DCP1B: variants seen among roughly 807,000 people sequenced by gnomAD.
DCP1B encodes decapping mRNA 1B.
In DCP1B, 47 loss-of-function variants were observed where a neutral mutation model predicts 60.5. The ratio of observed to expected loss-of-function variants is 0.78; its 90% CI spans 0.61 to 0.99. The LOEUF (loss-of-function observed/expected upper bound fraction) is 0.99. DCP1B is among the 50% of genes least tolerant of loss of function. The pLI is 0.00. For synonymous variants in DCP1B, 267 were observed against 280.3 expected (o/e 0.95, Z 0.47); for missense variants, 725 against 756.8 (o/e 0.96, Z 0.49).
intron 5 of DCP1B, among the ~76,000 whole-genome samples, chr12:1,959,621 T>C (rs113245551): frequency 0.027 from 4,151 of 152,290 alleles, 95 homozygotes; most frequent in Middle Eastern, 0.054. Context: ...AGGAAATCCT[T>C]GTATACTGTT....
rs139889608 is a variant in DCP1B, at chr12:1,971,383, G to A, written c.320-3473C>T. 2.0e-4 allele frequency among the ~76,000 whole-genome samples: 30 copies of A among 152,132 alleles called. No individual in the cohort carries two copies. Among genetic ancestry groups the A allele is most frequent in the African/African-American group, 6.5e-4 (27 of 41,502 alleles). ...TAACTGCACTATCCTGGTTTATGCC[G>A]TTCTTTGGAAATTCTCAATTGAAAA... On this transcript the variant is annotated intron_variant, in intron 3 of 8. Coordinates refer to ENST00000280665, the MANE Select transcript of DCP1B (RefSeq NM_152640.5). This position sits in a 1 kb window ranked among gnomAD's most constrained non-coding sequence, Gnocchi z 4.2.
At chr12:1,986,730 A>G (rs2154471465) in intron 3 of DCP1B, among the ~76,000 whole-genome samples, 1 of 152,136 alleles carries the variant, frequency 6.6e-6, no homozygotes, top group South Asian at 2.1e-4. Flanking sequence ...TTGATAAAAG[A>G]GGAAAGAATA....
Position 1,993,287 on chromosome 12 carries a change from A to T in DCP1B, c.296T>A (p.Phe99Tyr). Residue 99 changes from phenylalanine (F) to tyrosine (Y), a missense_variant, in exon 3 of 9, where the codon TTC (phenylalanine) becomes TAC (tyrosine). By Grantham distance (22) the Phe-to-Tyr change is conservative. Coordinates refer to ENST00000280665, the MANE Select transcript of DCP1B (RefSeq NM_152640.5). ...KDLDFQLQDP[F>Y]LLYRNARLSI... Reference sequence around the variant, plus strand: ...ACATCTGGCATTTCTGTAGAGAAGGAAAGGGTCCTGGAGTTGGAAATCCAA... The same window carrying T: ...ACATCTGGCATTTCTGTAGAGAAGGTAAGGGTCCTGGAGTTGGAAATCCAA... 6.2e-7 allele frequency: 1 copy of T among 1,614,132 alleles called. No homozygotes were observed. Among genetic ancestry groups the T allele is most frequent in the Non-Finnish European group, 8.5e-7 (1 of 1,179,996 alleles).
chr12:1,996,482 T>C (rs1353287071), intron 2 of DCP1B, among the ~76,000 whole-genome samples: 1 of 151,920 alleles, frequency 6.6e-6, no homozygotes, highest in East Asian at 1.9e-4. Flanking sequence ...TTCCACCATA[T>C]TCCTGAGGCC....
chr12:1,993,627 G>GGTGGGTGTGTGT (rs2040052559), intron 2 of DCP1B, among the ~76,000 whole-genome samples: 1 of 146,584 alleles, frequency 6.8e-6, no homozygotes, highest in Non-Finnish European at 1.5e-5. Flanking sequence ...CTTCATTTGT[G>GGTGGGTGTGTGT]GTGTGTGTGT....
chr12:1,957,704 A>G (rs2030936197), intron 5 of DCP1B, among the ~76,000 whole-genome samples: 1 of 152,262 alleles, frequency 6.6e-6, no homozygotes, highest in Non-Finnish European at 1.5e-5. Context: ...AATAGGGCGG[A>G]GATAAAAAGA....
chr12:1,956,164 CAA>C (rs1017620695), intron 5 of DCP1B, among the ~76,000 whole-genome samples: 3 of 152,306 alleles, frequency 2.0e-5, no homozygotes, highest in African/African-American at 7.2e-5. Flanking sequence ...GAGAAAGAGA[CAA>C]GAGACAAATC....
intron 3 of DCP1B, among the ~76,000 whole-genome samples, chr12:1,979,561 C>T (rs563754462): frequency 1.4e-4 from 22 of 152,202 alleles, no homozygotes; most frequent in Admixed American, 7.8e-4. Flanking sequence ...ATCCGCCCGC[C>T]TCAGCCTCCC....
chr12:1,990,382 A>G (rs1242993627), intron 3 of DCP1B, among the ~76,000 whole-genome samples: 1 of 152,212 alleles, frequency 6.6e-6, no homozygotes, highest in Admixed American at 6.5e-5. Flanking sequence ...CCCTTTAAAC[A>G]ATGTATAAAC....
chr12:1,980,508 A>G lies in DCP1B; in HGVS notation c.320-12598T>C, dbSNP rs117950140. Among the ~76,000 whole-genome samples, 339 of 151,982 alleles carry G rather than the reference A, an allele frequency of 2.2e-3. 6 individuals carry two copies. In the East Asian group the frequency reaches 0.054, roughly 24 times the overall value. On this transcript the variant is annotated intron_variant, in intron 3 of 8. Transcript: ENST00000280665. ...TCAGATATATGTACATGTTCTCAAT[A>G]TGTTTTCCCAGTCTGTGGTTTTTCT...
chr12:1,965,520 G>C (rs777199782), intron 5 of DCP1B, 38 bp downstream of exon 5: 4 of 1,574,660 alleles, frequency 2.5e-6, no homozygotes, highest in East Asian at 2.4e-5. Flanking sequence ...CTGCGGAACT[G>C]AAGTGTGTAT....
At chr12:1,953,995 C>A (rs1224205287) in intron 6 of DCP1B, among the ~76,000 whole-genome samples, 1 of 152,142 alleles carries the variant, frequency 6.6e-6, no homozygotes. Flanking sequence ...CCAGCCTGGG[C>A]AACATGGCAA....
At chr12:1,951,481 G>C (rs2154456525) in intron 7 of DCP1B, among the ~76,000 whole-genome samples, 1 of 152,306 alleles carries the variant, frequency 6.6e-6, no homozygotes, top group East Asian at 1.9e-4. Context: ...ACTGTCCCAA[G>C]TCAGTGATGG....
At chr12:1,982,909 A>G (rs891552135) in intron 3 of DCP1B, among the ~76,000 whole-genome samples, 4 of 152,100 alleles carry the variant, frequency 2.6e-5, no homozygotes, top group Non-Finnish European at 5.9e-5. Flanking sequence ...AAACTATCTG[A>G]ACTTGGAGTT....
intron 8 of DCP1B, among the ~76,000 whole-genome samples, chr12:1,947,281 C>A (rs1294367380): frequency 2.0e-5 from 3 of 152,264 alleles, no homozygotes; most frequent in Admixed American, 2.0e-4. Flanking sequence ...AGTAATTCAC[C>A]CACACTTCAC....
intron 1 of DCP1B, among the ~76,000 whole-genome samples, chr12:1,998,758 T>C (rs1252280047): frequency 6.6e-6 from 1 of 152,202 alleles, no homozygotes; most frequent in African/African-American, 2.4e-5. Flanking sequence ...CACATGTAAG[T>C]ATCCAGGTGT....
At chr12:1,998,953 C>T (rs1162633395) in intron 1 of DCP1B, among the ~76,000 whole-genome samples, 2 of 152,126 alleles carry the variant, frequency 1.3e-5, no homozygotes, top group Non-Finnish European at 2.9e-5. Flanking sequence ...TTAAAAAAAG[C>T]GTAATGTCAA....
Position 1,953,068 on chromosome 12 carries a change from C to G in DCP1B, c.872G>C (p.Cys291Ser). 1 of 1,614,130 alleles carries G rather than the reference C, an allele frequency of 6.2e-7. No individual in the cohort carries two copies. Among genetic ancestry groups the G allele is most frequent in the Non-Finnish European group, 8.5e-7 (1 of 1,180,026 alleles). ...RHSPPIEKQL[C>S]PAIQKLMVRS... ...GACCATGAGTTTCTGAATGGCTGGA[C>G]AGAGCTGCTTCTCAATGGGGGGTGA... Residue 291 changes from cysteine (C) to serine (S), a missense_variant, in exon 7 of 9, where the codon TGT (cysteine) becomes TCT (serine). Transcript: ENST00000280665.
chr12:1,995,339 G>A (rs922258409), intron 2 of DCP1B, among the ~76,000 whole-genome samples: 1 of 152,250 alleles, frequency 6.6e-6, no homozygotes, highest in African/African-American at 2.4e-5. Flanking sequence ...CGCACCCTGT[G>A]TGCATGGCAC....
Sources: allele counts gnomAD v4.1 joint callset (sites outside exome capture counted in the v4.1 genomes callset), GRCh38; gene constraint gnomAD v4.1.1; non-coding constraint Gnocchi (gnomAD v3.1); transcripts MANE v1.5; gene names NCBI Gene and HGNC (gene_info 2026-07-23, HGNC 2026-07-21).